CALCR: variants seen among roughly 807,000 people sequenced by gnomAD.
CALCR encodes the protein calcitonin receptor.
Under a neutral mutation model 59.5 loss-of-function variants are expected in CALCR, and 47 were observed. The ratio of observed to expected loss-of-function variants is 0.79; its 90% CI spans 0.63 to 1.01. CALCR has a LOEUF of 1.01. CALCR is among the 50% of genes least tolerant of loss of function. CALCR has a pLI of 0.00. For synonymous variants in CALCR, 213 were observed against 211.3 expected (o/e 1.01, Z -0.07); for missense variants, 566 against 597.1 (o/e 0.95, Z 0.54).
chr7:93,484,157 A>G (rs1464887908), intron 3 of CALCR: 2 of 276,364 alleles, frequency 7.2e-6, no homozygotes, highest in Non-Finnish European at 1.6e-5. Context: ...ACCTGCTCTC[A>G]TAGAGCTTAC....
At chr7:93,556,144 AG>A (rs2116247963) in intron 2 of CALCR, among the ~76,000 whole-genome samples, 1 of 152,254 alleles carries the variant, frequency 6.6e-6, no homozygotes, top group African/African-American at 2.4e-5. Flanking sequence ...TTTTTTCTCC[AG>A]GGTAACTGTT....
intron 13 of CALCR, among the ~76,000 whole-genome samples, chr7:93,432,520 C>T (rs755806879): frequency 1.3e-5 from 2 of 152,160 alleles, no homozygotes; most frequent in Admixed American, 6.5e-5. Context: ...CCCCCAGTAA[C>T]GGGATCTTAA....
intron 2 of CALCR, among the ~76,000 whole-genome samples, chr7:93,549,962 C>A (rs560523634): frequency 1.8e-4 from 27 of 152,202 alleles, no homozygotes; most frequent in Admixed American, 1.6e-3. Context: ...ATCAGACTGG[C>A]AATATAATTA....
Position 93,479,372 on chromosome 7 carries a change from G to A in CALCR, c.187C>T (p.Pro63Ser). The change falls in exon 4 of 14, where the codon CCC (proline) becomes TCC (serine). Residue 63 changes from proline to serine, a missense_variant. Coordinates refer to ENST00000426151, the MANE Select transcript of CALCR (RefSeq NM_001742.4). ...YKCYDRMQQL[P>S]AYQGEGPYCN... is the part of the protein sequence containing the mutation. ...TCTTTACCTTCTCCTTGGTATGCGGGTAACTGCTGCATTCGGTCATAGCAT... is the reference window on the plus strand; with the variant it reads ...TCTTTACCTTCTCCTTGGTATGCGGATAACTGCTGCATTCGGTCATAGCAT... 1.9e-6 allele frequency: 3 copies of A among 1,610,040 alleles called. No homozygotes were observed. The highest frequency in any genetic ancestry group is 2.5e-6 in the Non-Finnish European group (3 of 1,178,152).
At chr7:93,466,281 A>G (rs1800439216) in intron 7 of CALCR, among the ~76,000 whole-genome samples, 1 of 151,908 alleles carries the variant, frequency 6.6e-6, no homozygotes, top group South Asian at 2.1e-4. Flanking sequence ...GATGTAGAGT[A>G]TTTGAAAAAA....
chr7:93,468,802 G>A lies in CALCR; in HGVS notation c.434C>T (p.Ala145Val). 2 of 1,511,258 alleles carry A rather than the reference G, an allele frequency of 1.3e-6. No individual in the cohort carries two copies. The highest frequency in any genetic ancestry group is 2.4e-5 in the South Asian group (2 of 84,642). 93.6% of individuals were successfully genotyped at this position (1,511,258 alleles called of 1,614,324 possible). A position where few individuals can be genotyped will look rare whatever the true frequency, so the allele number is the denominator to read the frequency against. ...AATAGCCAAATAGTACAGAACATAT[G>A]CATTCTGGAACAACAAAAAGTAAAC... The part of the protein sequence containing the change: ...NAFTPEKLKN[A>V]YVLYYLAIVG... Residue 145 changes from alanine to valine, a missense_variant, in exon 7 of 14, where the codon GCA becomes GTA. Coordinates refer to ENST00000426151, the MANE Select transcript of CALCR (RefSeq NM_001742.4).
chr7:93,545,026 G>GTACT (rs1789248037), intron 2 of CALCR, among the ~76,000 whole-genome samples: 1 of 151,966 alleles, frequency 6.6e-6, no homozygotes, highest in African/African-American at 2.4e-5. Context: ...ATGCTCTATG[G>GTACT]TACTACTGCT....
intron 2 of CALCR, among the ~76,000 whole-genome samples, chr7:93,558,975 G>C (rs973746791): frequency 5.9e-5 from 9 of 152,048 alleles, no homozygotes; most frequent in African/African-American, 2.2e-4. Flanking sequence ...TTCAATTGCT[G>C]ATTAAAGTGA....
At chr7:93,565,240 T>A (rs1563022894) in intron 2 of CALCR, among the ~76,000 whole-genome samples, 1 of 152,272 alleles carries the variant, frequency 6.6e-6, no homozygotes, top group East Asian at 1.9e-4. Flanking sequence ...TCTGCTATGG[T>A]CTCCTCTTTA....
intron 2 of CALCR, among the ~76,000 whole-genome samples, chr7:93,548,736 A>AT (rs984803692): frequency 2.0e-5 from 3 of 151,826 alleles, no homozygotes; most frequent in Non-Finnish European, 4.4e-5. Context: ...GAAAAAAAAA[A>AT]GCTTTACTTT....
chr7:93,491,436 C>A (rs1358072623), intron 2 of CALCR, among the ~76,000 whole-genome samples: 1 of 152,020 alleles, frequency 6.6e-6, no homozygotes, highest in Non-Finnish European at 1.5e-5. Context: ...AACTTCTGCG[C>A]AGCAAAAGAA....
chr7:93,484,065 C>A, intron 3 of CALCR: 1 of 479,894 alleles, frequency 2.1e-6, no homozygotes, highest in Non-Finnish European at 4.5e-6. Flanking sequence ...TTTTTTCAGT[C>A]GACAAATACT....
At chr7:93,468,047 T>C (rs1402515041) in intron 7 of CALCR, among the ~76,000 whole-genome samples, 1 of 151,704 alleles carries the variant, frequency 6.6e-6, no homozygotes, top group East Asian at 1.9e-4. Flanking sequence ...TCACTAAAGT[T>C]GGTTGTGATG....
At chr7:93,494,683 T>C (rs1324929456) in intron 2 of CALCR, among the ~76,000 whole-genome samples, 1 of 151,190 alleles carries the variant, frequency 6.6e-6, no homozygotes, top group East Asian at 2.0e-4. Flanking sequence ...AGATATATGG[T>C]TTTTTGAAAA....
intron 7 of CALCR, among the ~76,000 whole-genome samples, chr7:93,465,872 A>G (rs1800430641): frequency 6.6e-6 from 1 of 151,824 alleles, no homozygotes; most frequent in African/African-American, 2.4e-5. Context: ...GTTTTTAGTG[A>G]AGTATTGGCA....
intron 2 of CALCR, among the ~76,000 whole-genome samples, chr7:93,494,172 A>G (rs1801146797): frequency 6.6e-6 from 1 of 151,406 alleles, no homozygotes; most frequent in Admixed American, 6.6e-5. Context: ...CAGCTTCTTT[A>G]TGAAGGTGAA....
intron 5 of CALCR, 67 bp from the exon 6 acceptor site, chr7:93,472,554 T>C: frequency 1.0e-6 from 1 of 954,612 alleles, no homozygotes; most frequent in East Asian, 2.4e-5. Context: ...AATAATAAAT[T>C]AAAGCTTAAA....
intron 7 of CALCR, among the ~76,000 whole-genome samples, chr7:93,467,986 T>C (rs1208301000): frequency 6.6e-6 from 1 of 151,692 alleles, no homozygotes; most frequent in African/African-American, 2.4e-5. Flanking sequence ...TCTACATTTG[T>C]GAACATACTT....
chr7:93,504,392 C>G (rs775776765), intron 2 of CALCR, among the ~76,000 whole-genome samples: 2 of 152,148 alleles, frequency 1.3e-5, no homozygotes, highest in Non-Finnish European at 2.9e-5. Flanking sequence ...AAGTAATAGA[C>G]CATGAGATAG....
Sources: allele counts gnomAD v4.1 joint callset (sites outside exome capture counted in the v4.1 genomes callset), GRCh38; gene constraint gnomAD v4.1.1; transcripts MANE v1.5; gene names NCBI Gene and HGNC (gene_info 2026-07-23, HGNC 2026-07-21).